Variants in COL5A2 observed in about 807,000 individuals in gnomAD.
COL5A2 encodes collagen alpha-2(V) chain.
Under a neutral mutation model 208.2 loss-of-function variants are expected in COL5A2, and 23 were observed. The observed-to-expected ratio is 0.11, with a 90% CI of 0.08 to 0.16. COL5A2 has a LOEUF of 0.16. Ranked by LOEUF, COL5A2 falls within the 10% of genes least tolerant of loss-of-function variation. The pLI is 1.00. For missense variants in COL5A2, 1,590 were observed against 1,956.4 expected, an observed-to-expected ratio of 0.81 and a Z score of 3.53; for synonymous variants, 625 against 628.5, an observed-to-expected ratio of 0.99 and a Z score of 0.08.
intron 41 of COL5A2, 143 bp downstream of exon 41, chr2:189,052,029 C>A (rs1685800552): frequency 1.4e-5 from 9 of 633,832 alleles, no homozygotes; most frequent in East Asian, 3.1e-5. Flanking sequence ...GCTGAAATAC[C>A]AGCATGCATT....
chr2:189,214,663 A>G (rs1689256446), intron 1 of COL5A2, among the ~76,000 whole-genome samples: 1 of 152,160 alleles, frequency 6.6e-6, no homozygotes, highest in Non-Finnish European at 1.5e-5. Flanking sequence ...TTCTGATGAA[A>G]AAGGGAGAGC....
At chr2:189,266,960 AAAAT>A in the COL5A2 span, among the ~76,000 whole-genome samples, 5 of 151,534 alleles carry the variant, frequency 3.3e-5, no homozygotes, top group South Asian at 2.1e-4. Flanking sequence ...TATATTAATG[AAAAT>A]AAATATTATA....
chr2:189,073,292 A>T (rs1429614415), intron 17 of COL5A2, among the ~76,000 whole-genome samples: 1 of 152,124 alleles, frequency 6.6e-6, no homozygotes, highest in East Asian at 1.9e-4. Context: ...AGCAAAATAA[A>T]ATTGTTCCAT....
At chr2:189,189,868 A>C (rs899533463) in intron 1 of COL5A2, among the ~76,000 whole-genome samples, 5 of 152,330 alleles carry the variant, frequency 3.3e-5, no homozygotes, top group Non-Finnish European at 7.3e-5. Flanking sequence ...CCTAAACATC[A>C]CAAGGACCCA....
chr2:189,420,693 C>G, the COL5A2 span, among the ~76,000 whole-genome samples: 1 of 151,602 alleles, frequency 6.6e-6, no homozygotes, highest in African/African-American at 2.4e-5. Context: ...GAAATCAGAC[C>G]CTCAGTAGAG....
chr2:189,323,770 C>T, the COL5A2 span, among the ~76,000 whole-genome samples: 1 of 152,122 alleles, frequency 6.6e-6, no homozygotes, highest in Non-Finnish European at 1.5e-5. Flanking sequence ...AGATTCAATG[C>T]CATCCCCATC....
chr2:189,399,326 C>G, the COL5A2 span, among the ~76,000 whole-genome samples: 1 of 150,826 alleles, frequency 6.6e-6, no homozygotes, highest in South Asian at 2.1e-4. Flanking sequence ...TCTCAGCTCA[C>G]TTCAACCTCC....
intron 1 of COL5A2, among the ~76,000 whole-genome samples, chr2:189,189,239 C>G (rs1688893901): frequency 6.6e-6 from 1 of 152,138 alleles, no homozygotes; most frequent in Non-Finnish European, 1.5e-5. Flanking sequence ...TCATCCCTCT[C>G]TTCTTCTCCT....
chr2:189,316,635 T>C, the COL5A2 span, among the ~76,000 whole-genome samples: 1 of 151,962 alleles, frequency 6.6e-6, no homozygotes, highest in African/African-American at 2.4e-5. Flanking sequence ...AAATAATGAA[T>C]GGTTACTAGA....
intron 1 of COL5A2, among the ~76,000 whole-genome samples, chr2:189,211,431 AGAT>A (rs1038906992): frequency 6.6e-6 from 1 of 152,234 alleles, no homozygotes; most frequent in Non-Finnish European, 1.5e-5. Context: ...CCAAAAAATT[AGAT>A]GATAAGTACT....
Position 189,051,326 on chromosome 2 carries a change from C to T in COL5A2, c.2925G>A (p.Gly975=), listed in dbSNP as rs1345509542. Residue 975 remains glycine (G), a synonymous_variant, in exon 42 of 54, where the codon GGG becomes GGA. Coordinates refer to ENST00000374866, the MANE Select transcript of COL5A2 (RefSeq NM_000393.5). ...PGDKGDPGED[G]QPGPDGPPGP... is the part of the protein sequence containing the mutation. Reference sequence around the variant, plus strand: ...ACGGATACGCCAAACTTACAGGTTGCCCATCTTCTCCTGGGTCCCCTTTGT... The same window carrying T: ...ACGGATACGCCAAACTTACAGGTTGTCCATCTTCTCCTGGGTCCCCTTTGT... The T allele has an allele frequency of 6.2e-7, 1 of 1,613,856 alleles. No homozygotes were observed. The highest frequency in any genetic ancestry group is 8.5e-7 in the Non-Finnish European group (1 of 1,179,964).
chr2:189,331,394 T>A, the COL5A2 span, among the ~76,000 whole-genome samples: 1 of 152,170 alleles, frequency 6.6e-6, no homozygotes, highest in South Asian at 2.1e-4. Context: ...CCAGGCATGG[T>A]GGTGTGTGCC....
intron 1 of COL5A2, among the ~76,000 whole-genome samples, chr2:189,208,773 G>C (rs1441617809): frequency 6.6e-6 from 1 of 152,194 alleles, no homozygotes; most frequent in Non-Finnish European, 1.5e-5. Context: ...TTCTCATTTT[G>C]AATCCATACT....
intron 1 of COL5A2, among the ~76,000 whole-genome samples, chr2:189,219,084 A>G (rs535308197): frequency 6.6e-6 from 1 of 152,344 alleles, no homozygotes; most frequent in African/African-American, 2.4e-5. Flanking sequence ...ATGCAGCAAA[A>G]AAATTGCTTG....
chr2:189,416,774 T>C, the COL5A2 span, among the ~76,000 whole-genome samples: 2 of 152,206 alleles, frequency 1.3e-5, no homozygotes, highest in Admixed American at 6.5e-5. Flanking sequence ...CTGACTTTAT[T>C]TCAAAACTTC....
intron 1 of COL5A2, among the ~76,000 whole-genome samples, chr2:189,168,307 C>A (rs1210757610): frequency 1.3e-5 from 2 of 150,308 alleles, no homozygotes; most frequent in African/African-American, 4.9e-5. Context: ...TGCCCTCTGT[C>A]CTCTCAAAGC....
intron 13 of COL5A2, 140 bp downstream of exon 13, chr2:189,080,850 G>A: frequency 2.8e-6 from 2 of 712,418 alleles, no homozygotes; most frequent in Non-Finnish European, 2.5e-6. Context: ...TGTGATTTCA[G>A]TAACCACAGA....
At position 189,039,575 on chromosome 2, in the gene COL5A2, G is replaced by C; in HGVS notation, c.3634-12C>G. ...TCACCAGGAGGGCCCTAATTAAAAA[G>C]AGATTGGAAAGACATTTAACACATT... On this transcript the variant is annotated splice_polypyrimidine_tract_variant and intron_variant, in intron 50 of 53. Coordinates refer to ENST00000374866, the MANE Select transcript of COL5A2 (RefSeq NM_000393.5). 1 of 1,611,914 alleles carries C rather than the reference G, an allele frequency of 6.2e-7. No individual in the cohort carries two copies. Among genetic ancestry groups the C allele is most frequent in the Non-Finnish European group, 8.5e-7 (1 of 1,179,682 alleles).
chr2:189,362,749 G>C, the COL5A2 span, among the ~76,000 whole-genome samples: 1 of 152,020 alleles, frequency 6.6e-6, no homozygotes, highest in Non-Finnish European at 1.5e-5. Flanking sequence ...TCACTAGAAA[G>C]ATTTTAACAA....
Sources: allele counts gnomAD v4.1 joint callset (sites outside exome capture counted in the v4.1 genomes callset), GRCh38; gene constraint gnomAD v4.1.1; transcripts MANE v1.5; gene names NCBI Gene and HGNC (gene_info 2026-07-23, HGNC 2026-07-21).